ATP10B: variants seen among roughly 807,000 people sequenced by gnomAD.
The protein encoded by ATP10B is phospholipid-transporting ATPase VB.
In ATP10B, 122 loss-of-function variants were observed where a neutral mutation model predicts 141.2. The ratio of observed to expected loss-of-function variants is 0.86; its 90% CI spans 0.75 to 1.00. The LOEUF is 1.00. Ranked by LOEUF, ATP10B falls within the 50% of genes least tolerant of loss-of-function variation. The probability of loss-of-function intolerance (pLI) is 0.00; values close to 1 mark genes in which losing one functional copy is unlikely to be tolerated. For missense variants in ATP10B, 1,876 were observed against 1,825.3 expected (o/e 1.03, Z -0.51); for synonymous variants, 685 against 692.0 (o/e 0.99, Z 0.16).
chr5:160,654,165 C>G (rs1185457876), intron 7 of ATP10B, among the ~76,000 whole-genome samples: 1 of 151,128 alleles, frequency 6.6e-6, no homozygotes, highest in Non-Finnish European at 1.5e-5. Flanking sequence ...GGGTCTTACT[C>G]TGTTGCCTAG....
chr5:160,629,415 C>T lies in ATP10B; in HGVS notation c.1620+2714G>A, dbSNP rs141928115. Among the ~76,000 whole-genome samples, 585 of 152,326 alleles carry T rather than the reference C, an allele frequency of 3.8e-3. 1 individual carries two copies. The highest frequency in any genetic ancestry group is 0.017 in the Middle Eastern group (5 of 294). ...AATTTGAGCCAAGTGAAGACTCTTT[C>T]CTGGTGGGGTGATGGCCTGCTTATG... On this transcript the variant is annotated intron_variant, in intron 13 of 25. Transcript: ENST00000327245.
At position 160,709,606 on chromosome 5, in the gene ATP10B, T is replaced by A. The variant is rs374343507; in HGVS notation, c.-205+7303A>T. 7.1e-3 allele frequency among the ~76,000 whole-genome samples: 709 copies of A among 99,312 alleles called. 5 individuals are homozygous for A. The highest frequency in any genetic ancestry group is 0.017 in the African/African-American group (548 of 31,740). 65.2% of individuals were successfully genotyped at this position (99,312 alleles called of 152,430 possible). A position where few individuals can be genotyped will look rare whatever the true frequency, so the allele number is the denominator to read the frequency against. On this transcript the variant is annotated intron_variant, in intron 3 of 25. Coordinates refer to ENST00000327245, the MANE Select transcript of ATP10B (RefSeq NM_025153.3). ...CTTTCATAAACAAATTTTTTTTTTT[T>A]AATTTTTTTTTTTTTATTATACTCT...
intron 1 of ATP10B, among the ~76,000 whole-genome samples, chr5:160,800,648 G>A (rs1772314161): frequency 6.6e-6 from 1 of 152,102 alleles, no homozygotes. Flanking sequence ...GGAGAATCTT[G>A]GATCTTGTTT....
chr5:160,602,845 T>C, intron 20 of ATP10B, 143 bp from the exon 21 acceptor site: 1 of 1,108,198 alleles, frequency 9.0e-7, no homozygotes, highest in Non-Finnish European at 1.3e-6. Flanking sequence ...TTGGGTAGCT[T>C]TTTGGATTCT....
At chr5:160,926,964 A>G in the ATP10B span, among the ~76,000 whole-genome samples, 1 of 152,182 alleles carries the variant, frequency 6.6e-6, no homozygotes, top group Non-Finnish European at 1.5e-5. Context: ...TTTCTACATC[A>G]CTGTCACACT....
Position 160,620,743 on chromosome 5 carries a change from A to G in ATP10B, c.2020T>C (p.Ser674Pro). The G allele has an allele frequency of 6.2e-7, 1 of 1,614,156 alleles. No individual in the cohort carries two copies. Among genetic ancestry groups the G allele is most frequent in the Non-Finnish European group, 8.5e-7 (1 of 1,180,004 alleles). The change falls in exon 15 of 26, where the codon TCC (serine) becomes CCC (proline). Residue 674 changes from serine (S) to proline (P), a missense_variant. Physicochemically the swap from Ser to Pro is moderately conservative, Grantham distance 74. Transcript: ENST00000327245. Reference protein sequence around the residue: ...DDASVCSGGDSTDDGGYRSSM... With the variant: ...DDASVCSGGDPTDDGGYRSSM... Reference sequence around the variant, plus strand: ...CTCCTGTAGCCACCGTCATCAGTGGAGTCACCTCCACTGCACACAGATGCA... The same window carrying G: ...CTCCTGTAGCCACCGTCATCAGTGGGGTCACCTCCACTGCACACAGATGCA...
intron 21 of ATP10B, 126 bp from the exon 22 acceptor site, chr5:160,599,096 A>T: frequency 1.4e-6 from 1 of 722,332 alleles, no homozygotes; most frequent in Non-Finnish European, 2.3e-6. Context: ...GGGTTATGTA[A>T]GGATGAGAGA....
At chr5:160,641,635 C>T (rs1272734563) in intron 9 of ATP10B, among the ~76,000 whole-genome samples, 1 of 152,222 alleles carries the variant, frequency 6.6e-6, no homozygotes, top group African/African-American at 2.4e-5. Flanking sequence ...CCCAAGATCA[C>T]ACACCTAAGA....
chr5:160,831,877 T>G (rs1775104393), intron 1 of ATP10B, among the ~76,000 whole-genome samples: 1 of 152,138 alleles, frequency 6.6e-6, no homozygotes, highest in African/African-American at 2.4e-5. Context: ...TAAAGTTAAA[T>G]TTCTCACTTT....
At chr5:160,704,877 T>G (rs1428252777) in intron 3 of ATP10B, among the ~76,000 whole-genome samples, 1 of 149,056 alleles carries the variant, frequency 6.7e-6, no homozygotes, top group Non-Finnish European at 1.5e-5. Context: ...TTAAACCTTA[T>G]GAAATAATCT....
intron 2 of ATP10B, among the ~76,000 whole-genome samples, chr5:160,776,899 G>A (rs1037891595): frequency 2.6e-5 from 4 of 152,110 alleles, no homozygotes; most frequent in Non-Finnish European, 2.9e-5. Context: ...GATTTTAGTC[G>A]GACACTTGCT....
At chr5:160,654,103 TATACATATATAAATAC>T (rs1761297923) in intron 7 of ATP10B, among the ~76,000 whole-genome samples, 4 of 148,708 alleles carry the variant, frequency 2.7e-5, no homozygotes, top group African/African-American at 1.0e-4. Context: ...TATATACGTA[TATACATATATAAATAC>T]GTGTGTGTGT....
At chr5:160,800,312 A>G (rs1257653409) in intron 1 of ATP10B, among the ~76,000 whole-genome samples, 1 of 152,228 alleles carries the variant, frequency 6.6e-6, no homozygotes, top group Non-Finnish European at 1.5e-5. Context: ...AATAATAAAA[A>G]TGTCAATCTT....
At chr5:160,830,104 A>G (rs532412423) in intron 1 of ATP10B, among the ~76,000 whole-genome samples, 1 of 151,910 alleles carries the variant, frequency 6.6e-6, no homozygotes, top group South Asian at 2.1e-4. Context: ...ATGGCTCTTG[A>G]GGTATGTTCC....
chr5:160,776,080 T>G (rs1770287181), intron 2 of ATP10B, among the ~76,000 whole-genome samples: 1 of 152,172 alleles, frequency 6.6e-6, no homozygotes, highest in Admixed American at 6.5e-5. Flanking sequence ...AGGGACATTT[T>G]AACTAGGTGT....
chr5:160,640,803 G>A (rs959307282), intron 9 of ATP10B, among the ~76,000 whole-genome samples: 2 of 152,192 alleles, frequency 1.3e-5, no homozygotes, highest in Admixed American at 1.3e-4. Flanking sequence ...CTTCATGCAT[G>A]CCAGACACTG....
chr5:160,698,591 A>T (rs1363926739), intron 3 of ATP10B, among the ~76,000 whole-genome samples: 1 of 152,162 alleles, frequency 6.6e-6, no homozygotes, highest in Admixed American at 6.6e-5. Context: ...TGGTATTGTA[A>T]AGGGAGCCCA....
intron 1 of ATP10B, among the ~76,000 whole-genome samples, chr5:160,828,409 C>T (rs56406854): frequency 0.59 from 89,145 of 151,766 alleles, 28,884 homozygotes; most frequent in East Asian, 0.85. Flanking sequence ...CATGAACAGA[C>T]ACCTCTCAAA....
intron 11 of ATP10B, 140 bp from the exon 12 acceptor site, chr5:160,634,746 T>C: frequency 2.3e-6 from 2 of 873,300 alleles, no homozygotes; most frequent in Non-Finnish European, 3.4e-6. Context: ...TAACGGTCAA[T>C]GACCTCATGC....
Sources: allele counts gnomAD v4.1 joint callset (sites outside exome capture counted in the v4.1 genomes callset), GRCh38; gene constraint gnomAD v4.1.1; transcripts MANE v1.5; gene names NCBI Gene and HGNC (gene_info 2026-07-23, HGNC 2026-07-21).